The following PARP16 variants were observed in gnomAD, a reference collection of about 807,000 sequenced individuals.
The protein encoded by PARP16 is poly(ADP-ribose) polymerase family member 16, also known as protein mono-ADP-ribosyltransferase PARP16.
PARP16 carries 31 observed loss-of-function variants against 35.0 expected under a neutral mutation model. That is an observed-to-expected ratio of 0.88 (90% CI 0.66 to 1.19). The LOEUF (loss-of-function observed/expected upper bound fraction) is 1.19. PARP16 is among the 50% of genes most tolerant of loss of function. The pLI, the probability that PARP16 is intolerant of heterozygous loss-of-function variation, is 0.00. For missense variants in PARP16, 424 were observed against 411.2 expected, an observed-to-expected ratio of 1.03 and a Z score of -0.27; for synonymous variants, 162 against 169.5, an observed-to-expected ratio of 0.96 and a Z score of 0.34.
intron 1 of PARP16, among the ~76,000 whole-genome samples, chr15:65,279,181 G>T (rs1336039771): frequency 1.3e-5 from 2 of 151,696 alleles, no homozygotes; most frequent in Non-Finnish European, 2.9e-5. Context: ...CACGTCCAGT[G>T]ATTAGCTGAT....
rs1391116213 is a variant in PARP16 at position 65,259,493 on chromosome 15, T to A, written c.883A>T (p.Ile295Leu). The change falls in exon 6 of 6, where the codon ATA (isoleucine) becomes TTA (leucine). Residue 295 changes from isoleucine to leucine, a missense_variant. Physicochemically the swap from Ile to Leu is conservative, Grantham distance 5 (BLOSUM62 2). Coordinates refer to ENST00000649807, the MANE Select transcript of PARP16 (RefSeq NM_001316943.2). ...WFSSHWFTVM[I>L]SLYLLLLLIV... Reference sequence around the variant, plus strand: ...AGCAGCAGCAGCAGATACAGGGATATCATGACGGTAAACCAATGGCTGGAA... The same window carrying A: ...AGCAGCAGCAGCAGATACAGGGATAACATGACGGTAAACCAATGGCTGGAA... 1 of 1,613,818 alleles carries A rather than the reference T, an allele frequency of 6.2e-7. No individual in the cohort carries two copies. The highest frequency in any genetic ancestry group is 1.7e-5 in the Admixed American group (1 of 60,016).
At chr15:65,274,238 C>A (rs1338956514) in intron 1 of PARP16, among the ~76,000 whole-genome samples, 1 of 149,822 alleles carries the variant, frequency 6.7e-6, no homozygotes. Flanking sequence ...GCCACCAAGC[C>A]CAGCATACTT....
At chr15:65,239,632 G>A (rs1368180323) in intron 3 of PARP16, among the ~76,000 whole-genome samples, 2 of 148,510 alleles carry the variant, frequency 1.3e-5, no homozygotes, top group African/African-American at 2.5e-5. Context: ...TGAATTTTAT[G>A]TGATAGAAAA....
At chr15:65,239,830 G>A (rs1363057877) in intron 3 of PARP16, among the ~76,000 whole-genome samples, 2 of 149,074 alleles carry the variant, frequency 1.3e-5, no homozygotes, top group Non-Finnish European at 3.0e-5. Context: ...CTAATTTTTT[G>A]TATTTTTAGT....
At chr15:65,252,136 A>G (rs2089379177) in intron 2 of PARP16, among the ~76,000 whole-genome samples, 1 of 152,146 alleles carries the variant, frequency 6.6e-6, no homozygotes, top group Admixed American at 6.5e-5. Flanking sequence ...GCCTGAGTCA[A>G]TGCTCTACTT....
chr15:65,244,620 A>G (rs2089161357), intron 3 of PARP16, among the ~76,000 whole-genome samples: 2 of 152,152 alleles, frequency 1.3e-5, no homozygotes. Context: ...TCAAGATGAG[A>G]TTTAGGTGGG....
chr15:65,269,387 G>A lies in PARP16; in HGVS notation c.312+1548C>T, dbSNP rs192491882. ...AAGTTTTTGTATTTTTAGTAGAGAC[G>A]GGGTTCCACTATGTTGGCCAGGCTG... On this transcript the variant is annotated intron_variant, in intron 2 of 5. Coordinates refer to ENST00000649807, the MANE Select transcript of PARP16 (RefSeq NM_001316943.2). 7.8e-4 allele frequency among the ~76,000 whole-genome samples: 119 copies of A among 151,876 alleles called. 1 individual carries two copies. The East Asian group carries it at 0.016, about 21-fold the overall frequency.
chr15:65,267,247 AT>A (rs2089926973), intron 2 of PARP16, among the ~76,000 whole-genome samples: 1 of 151,824 alleles, frequency 6.6e-6, no homozygotes, highest in South Asian at 2.1e-4. Context: ...ATTTAAAAAA[AT>A]AATAATAATA....
At chr15:65,265,829 A>T (rs2089870555) in intron 3 of PARP16, among the ~76,000 whole-genome samples, 1 of 152,252 alleles carries the variant, frequency 6.6e-6, no homozygotes, top group South Asian at 2.1e-4. Context: ...GATCACCTGG[A>T]GAGCTTTTAA....
intron 3 of PARP16, among the ~76,000 whole-genome samples, chr15:65,242,281 T>C (rs565675306): frequency 7.2e-5 from 11 of 152,206 alleles, no homozygotes; most frequent in Non-Finnish European, 1.3e-4. Flanking sequence ...GCTCTGTCTG[T>C]AGTCTTGAAA....
chr15:65,273,261 A>G (rs957537460), intron 1 of PARP16, among the ~76,000 whole-genome samples: 1 of 114,740 alleles, frequency 8.7e-6, no homozygotes, highest in Non-Finnish European at 1.8e-5. Flanking sequence ...CTGGTGACAG[A>G]GAGAGACTCT....
intron 5 of PARP16, among the ~76,000 whole-genome samples, chr15:65,259,947 A>G (rs1273171360): frequency 6.6e-6 from 1 of 152,240 alleles, no homozygotes; most frequent in African/African-American, 2.4e-5. Flanking sequence ...AAGCTGGGGA[A>G]ATCCTCTTTG....
chr15:65,239,424 T>TAAAAAAAAAAAAAA (rs758350761), intron 3 of PARP16, among the ~76,000 whole-genome samples: 1 of 6,960 alleles, frequency 1.4e-4, no homozygotes. Context: ...AGACTTTGCC[T>TAAAAAAAAAAAAAA]AAAAAAAAAA....
chr15:65,248,247 C>A, intron 2 of PARP16: 1 of 456,430 alleles, frequency 2.2e-6, no homozygotes, highest in South Asian at 1.5e-5. Context: ...GGGACAATCA[C>A]AGAACAAGTA....
At chr15:65,236,663 G>A (rs968953358) in intron 3 of PARP16, among the ~76,000 whole-genome samples, 1 of 152,206 alleles carries the variant, frequency 6.6e-6, no homozygotes, top group Non-Finnish European at 1.5e-5. Context: ...AATGGTATTG[G>A]ACTTCCGCAT....
chr15:65,239,424 TAAAAA>T (rs758350761), intron 3 of PARP16, among the ~76,000 whole-genome samples: 119 of 6,950 alleles, frequency 0.017, no homozygotes, highest in Middle Eastern at 0.1. Context: ...AGACTTTGCC[TAAAAA>T]AAAAAAAAAA....
intron 2 of PARP16, among the ~76,000 whole-genome samples, chr15:65,267,856 A>AT (rs1204745455): frequency 6.7e-6 from 1 of 149,866 alleles, no homozygotes; most frequent in Non-Finnish European, 1.5e-5. Flanking sequence ...CCCCTGGCTA[A>AT]TTTTTTTTGT....
chr15:65,279,206 T>C (rs894180353), intron 1 of PARP16, among the ~76,000 whole-genome samples: 1 of 141,940 alleles, frequency 7.0e-6, no homozygotes, highest in Non-Finnish European at 1.6e-5. Flanking sequence ...ATGAAGATAA[T>C]ACTAAAACCT....
intron 1 of PARP16, among the ~76,000 whole-genome samples, chr15:65,278,273 C>A (rs1425584333): frequency 6.6e-6 from 1 of 152,260 alleles, no homozygotes; most frequent in African/African-American, 2.4e-5. Flanking sequence ...TGCCCTAGGG[C>A]AACCTCCACC....
Sources: gnomAD v4.1 joint callset for allele counts (sites outside exome capture counted in the v4.1 genomes callset) on GRCh38, gnomAD v4.1.1 for gene constraint, MANE v1.5 for transcripts, NCBI Gene and HGNC (gene_info 2026-07-23, HGNC 2026-07-21) for gene names.